MIB1: variants seen among roughly 807,000 people sequenced by gnomAD.
MIB1 encodes E3 ubiquitin-protein ligase MIB1.
A neutral mutation model predicts 124.5 loss-of-function variants in MIB1; 278 were observed. The ratio of observed to expected loss-of-function variants is 2.23; its 90% CI spans 2.02 to 2.47. The LOEUF is 2.47. Among genes scored for constraint, MIB1 ranks in the 30% most tolerant of loss-of-function variants. The probability of loss-of-function intolerance (pLI) is 0.00; values close to 1 mark genes in which losing one functional copy is unlikely to be tolerated. For synonymous variants in MIB1, 446 were observed against 429.4 expected (o/e 1.04, Z -0.48); for missense variants, 957 against 1,254.4 (o/e 0.76, Z 3.58).
intron 3 of MIB1, among the ~76,000 whole-genome samples, chr18:21,771,816 G>A (rs1262226236): frequency 1.3e-5 from 2 of 151,568 alleles, no homozygotes; most frequent in Admixed American, 6.6e-5. Context: ...CCAACATGGC[G>A]AAACCCCATC....
intron 1 of MIB1, among the ~76,000 whole-genome samples, chr18:21,725,645 A>G (rs1481974667): frequency 6.6e-6 from 1 of 152,232 alleles, no homozygotes; most frequent in Non-Finnish European, 1.5e-5. Context: ...TTTACAGACT[A>G]TAACCTAACT....
intron 12 of MIB1, among the ~76,000 whole-genome samples, chr18:21,836,275 T>G (rs1219035296): frequency 7.0e-6 from 1 of 141,922 alleles, no homozygotes; most frequent in East Asian, 2.2e-4. Context: ...AACAAAAGGT[T>G]TTTTTTTTTT....
At chr18:21,775,033 C>T (rs1020937547) in intron 4 of MIB1, among the ~76,000 whole-genome samples, 2 of 151,904 alleles carry the variant, frequency 1.3e-5, no homozygotes, top group Non-Finnish European at 2.9e-5. Context: ...GCTAGCTCCA[C>T]CTCCCGGGTT....
chr18:21,705,173 G>C (rs899160653), intron 1 of MIB1: 2 of 152,518 alleles, frequency 1.3e-5, no homozygotes, highest in South Asian at 4.1e-4. Context: ...CCAAAGATAT[G>C]TTAGCAGGTA....
upstream of MIB1, among the ~76,000 whole-genome samples, chr18:21,736,860 G>T (rs545299381): frequency 3.3e-5 from 5 of 152,276 alleles, 1 homozygote; most frequent in South Asian, 1.0e-3. Context: ...AGAAATATGG[G>T]ACTATGTAAA....
intron 10 of MIB1, among the ~76,000 whole-genome samples, chr18:21,808,019 T>C (rs987454718): frequency 6.6e-6 from 1 of 152,200 alleles, no homozygotes; most frequent in African/African-American, 2.4e-5. Flanking sequence ...ATTTCATTAG[T>C]AAATATTTAA....
intron 10 of MIB1, among the ~76,000 whole-genome samples, chr18:21,808,277 G>T (rs907848856): frequency 2.0e-5 from 3 of 152,094 alleles, no homozygotes; most frequent in African/African-American, 4.8e-5. Flanking sequence ...ATAGATCAGG[G>T]TCTGCAAACT....
At chr18:21,851,449 G>A (rs1334702667) in intron 17 of MIB1, among the ~76,000 whole-genome samples, 4 of 152,162 alleles carry the variant, frequency 2.6e-5, no homozygotes, top group East Asian at 3.9e-4. Context: ...TAGAAAAGTA[G>A]AAAAACTACG....
chr18:21,837,311 A>C lies in MIB1; in HGVS notation c.1830-1054A>C, dbSNP rs367563013. Among the ~76,000 whole-genome samples the C allele has an allele frequency of 1.2e-4, 19 of 152,350 alleles. 1 individual carries two copies. Among genetic ancestry groups the C allele is most frequent in the African/African-American group, 4.6e-4 (19 of 41,588 alleles). Reference sequence around the variant, plus strand: ...ATCACAAGGTCAGGAGATCTAGACCATCCTGGCTAACACGGTGAAACCCCA... The same window carrying C: ...ATCACAAGGTCAGGAGATCTAGACCCTCCTGGCTAACACGGTGAAACCCCA... On this transcript the variant is annotated intron_variant, in intron 12 of 20. Transcript: ENST00000261537.
At chr18:21,860,048 A>C (rs950092850) in intron 20 of MIB1, among the ~76,000 whole-genome samples, 1 of 146,108 alleles carries the variant, frequency 6.8e-6, no homozygotes, top group Non-Finnish European at 1.5e-5. Flanking sequence ...CAAAAATAAG[A>C]GTAACGTTCC....
At chr18:21,774,523 G>A (rs528179153) in intron 4 of MIB1, among the ~76,000 whole-genome samples, 1 of 152,192 alleles carries the variant, frequency 6.6e-6, no homozygotes, top group East Asian at 1.9e-4. Flanking sequence ...CGAGGGTCGG[G>A]GTGCAGAGCT....
intron 10 of MIB1, among the ~76,000 whole-genome samples, chr18:21,813,990 C>T (rs2041802214): frequency 1.3e-5 from 2 of 152,196 alleles, no homozygotes; most frequent in Non-Finnish European, 2.9e-5. Flanking sequence ...TCTGGCAAGG[C>T]AGTGAGACTT....
intron 1 of MIB1, among the ~76,000 whole-genome samples, chr18:21,755,581 C>T (rs886417928): frequency 9.9e-5 from 15 of 152,162 alleles, no homozygotes; most frequent in African/African-American, 3.1e-4. Flanking sequence ...TCCCAAAGTG[C>T]TGGGATTACG....
At chr18:21,725,538 G>A (rs1377099335) in intron 1 of MIB1, among the ~76,000 whole-genome samples, 1 of 152,110 alleles carries the variant, frequency 6.6e-6, no homozygotes, top group Non-Finnish European at 1.5e-5. Context: ...TTAGATTCAG[G>A]GTTTGACAGC....
In MIB1 at chr18:21,849,237, A is replaced by T; in HGVS notation, c.2435A>T (p.Asp812Val). The T allele has an allele frequency of 6.2e-7, 1 of 1,604,060 alleles. No individual in the cohort carries two copies. The highest frequency in any genetic ancestry group is 8.5e-7 in the Non-Finnish European group (1 of 1,175,886). Residue 812 changes from aspartate to valine, a missense_variant, in exon 17 of 21, where the codon GAT (aspartate) becomes GTT (valine). Physicochemically the swap from Asp to Val is radical, Grantham distance 152 (BLOSUM62 -3). Transcript: ENST00000261537. ...GSRSPSMISN[D>V]SETLEECMVC... is the part of the protein sequence containing the mutation. ...CGGAGTCCTTCTATGATTAGTAATG[A>T]TTCTGAAACCTTAGAAGAGTGTATG...
In MIB1 at chr18:21,835,784, A is replaced by ATAT. The variant is rs1227455523; in HGVS notation, c.1830-2581_1830-2580insTAT. Among the ~76,000 whole-genome samples, 76 of 119,308 alleles carry ATAT rather than the reference A, an allele frequency of 6.4e-4. 1 individual carries two copies. The highest frequency in any genetic ancestry group is 2.4e-3 in the African/African-American group (71 of 29,050). 78.3% of individuals were successfully genotyped at this position (119,308 alleles called of 152,430 possible). A position where few individuals can be genotyped will look rare whatever the true frequency, so the allele number is the denominator to read the frequency against. On this transcript the variant is annotated intron_variant, in intron 12 of 20. Coordinates refer to ENST00000261537, the MANE Select transcript of MIB1 (RefSeq NM_020774.4). Reference sequence around the variant, plus strand: ...GACTCCATCTCAAGAAAAAAAAAAAAATATATATATATATATCCACACACA... The same window carrying ATAT: ...GACTCCATCTCAAGAAAAAAAAAAAATATATATATATATATATATCCACACACA...
intron 13 of MIB1, among the ~76,000 whole-genome samples, chr18:21,838,835 A>G (rs975847153): frequency 2.0e-5 from 3 of 152,168 alleles, no homozygotes; most frequent in Admixed American, 2.0e-4. Flanking sequence ...AGCACCAAGA[A>G]CCATCTGTGT....
At chr18:21,738,221 C>G (rs1175005833), upstream of MIB1, among the ~76,000 whole-genome samples, 1 of 152,152 alleles carries the variant, frequency 6.6e-6, no homozygotes, top group Non-Finnish European at 1.5e-5. Flanking sequence ...GAAATCATAA[C>G]AAACAGTCTC....
In MIB1 at chr18:21,838,507, G is replaced by C; in HGVS notation, c.1962+10G>C. 1.3e-6 allele frequency: 2 copies of C among 1,567,580 alleles called. No individual in the cohort carries two copies. The highest frequency in any genetic ancestry group is 1.7e-6 in the Non-Finnish European group (2 of 1,162,066). ...ACTGTTGGTACATCAGGTAAGAAAA[G>C]AGTTAAATAATTCCCTCTTTTTTAT... On this transcript the variant is annotated intron_variant, in intron 13 of 20. Coordinates refer to ENST00000261537, the MANE Select transcript of MIB1 (RefSeq NM_020774.4).
Sources: allele counts gnomAD v4.1 joint callset (sites outside exome capture counted in the v4.1 genomes callset), GRCh38; gene constraint gnomAD v4.1.1; transcripts MANE v1.5; gene names NCBI Gene and HGNC (gene_info 2026-07-23, HGNC 2026-07-21).